The following MYLIP variants were observed in gnomAD, a reference collection of about 807,000 sequenced individuals.
MYLIP encodes E3 ubiquitin-protein ligase MYLIP.
A neutral mutation model predicts 45.8 loss-of-function variants in MYLIP; 26 were observed. The ratio of observed to expected loss-of-function variants is 0.57; its 90% CI spans 0.42 to 0.79. The LOEUF is 0.79. Ranked by LOEUF, MYLIP falls within the 30% of genes least tolerant of loss-of-function variation. The pLI, the probability that MYLIP is intolerant of heterozygous loss-of-function variation, is 0.00. For synonymous variants in MYLIP, 213 were observed against 218.1 expected, an observed-to-expected ratio of 0.98 and a Z score of 0.21; for missense variants, 494 against 555.6, an observed-to-expected ratio of 0.89 and a Z score of 1.11.
At chr6:16,136,386 T>C (rs570557747) in intron 2 of MYLIP, among the ~76,000 whole-genome samples, 1 of 152,310 alleles carries the variant, frequency 6.6e-6, no homozygotes, top group African/African-American at 2.4e-5. Flanking sequence ...TTTTTTGAGA[T>C]CCATCCATAT....
intron 6 of MYLIP, among the ~76,000 whole-genome samples, chr6:16,145,900 TGAA>T (rs758574394): frequency 6.6e-6 from 1 of 152,252 alleles, no homozygotes. Context: ...CTTTCTTGCA[TGAA>T]GAAGAATTTT....
At chr6:16,145,584 T>C (rs909222377) in intron 6 of MYLIP, among the ~76,000 whole-genome samples, 1 of 152,220 alleles carries the variant, frequency 6.6e-6, no homozygotes, top group African/African-American at 2.4e-5. Flanking sequence ...GTAACATATC[T>C]AGTTAGCGGC....
At chr6:16,155,560 C>A in the MYLIP span, among the ~76,000 whole-genome samples, 1 of 152,344 alleles carries the variant, frequency 6.6e-6, no homozygotes, top group Non-Finnish European at 1.5e-5. Flanking sequence ...GACAGTGAAG[C>A]GGGAAATTTC....
chr6:16,136,110 T>C (rs1203406895), intron 2 of MYLIP, among the ~76,000 whole-genome samples: 5 of 152,136 alleles, frequency 3.3e-5, no homozygotes, highest in Admixed American at 2.0e-4. Context: ...AAATCCTAAT[T>C]ATACCATTTA....
the MYLIP span, among the ~76,000 whole-genome samples, chr6:16,162,783 T>C: frequency 3.0e-4 from 16 of 52,688 alleles, no homozygotes; most frequent in East Asian, 0.043. Context: ...TGACCTCAAC[T>C]CTAAAAAAAA....
In MYLIP at chr6:16,147,254, CT is replaced by C. The variant is rs1011435750; in HGVS notation, c.*504del. ...AATTGTTGTCGTTTTAATGTCATTT[CT>C]GTCTTTATAACTTGATCAAGAATGA... On this transcript the variant is annotated 3_prime_UTR_variant, in exon 7 of 7. Transcript: ENST00000356840. The C allele has an allele frequency of 1.3e-5, 2 of 154,198 alleles. No individual in the cohort carries two copies. Among genetic ancestry groups the C allele is most frequent in the African/African-American group, 4.8e-5 (2 of 41,426 alleles). The allele number at this position is 154,198 out of a possible 1,614,324, so 9.6% of individuals were successfully genotyped here. A position where few individuals can be genotyped will look rare whatever the true frequency, so the allele number is the denominator to read the frequency against.
At chr6:16,139,147 A>G (rs1397750350) in intron 2 of MYLIP, among the ~76,000 whole-genome samples, 2 of 152,232 alleles carry the variant, frequency 1.3e-5, no homozygotes, top group East Asian at 3.8e-4. Context: ...TTTTGCCTGT[A>G]ATCCCAGCAC....
the MYLIP span, among the ~76,000 whole-genome samples, chr6:16,162,717 G>A: frequency 2.7e-4 from 39 of 144,036 alleles, no homozygotes; most frequent in African/African-American, 9.4e-4. Flanking sequence ...TTGGAGGGCC[G>A]AGGTGGGAGG....
the MYLIP span, chr6:16,161,297 C>T: frequency 2.7e-6 from 1 of 364,906 alleles, no homozygotes; most frequent in Non-Finnish European, 5.5e-6. Context: ...GCTGTCACAT[C>T]TATTACTGGA....
At chr6:16,154,154 T>C in the MYLIP span, among the ~76,000 whole-genome samples, 2 of 152,160 alleles carry the variant, frequency 1.3e-5, no homozygotes, top group African/African-American at 2.4e-5. Flanking sequence ...AATTAATTTT[T>C]CTTTTTTTTA....
the MYLIP span, among the ~76,000 whole-genome samples, chr6:16,157,470 A>C: frequency 2.6e-5 from 4 of 152,212 alleles, no homozygotes; most frequent in East Asian, 7.7e-4. Flanking sequence ...AGAAAGTATA[A>C]AAATTTTGTA....
At chr6:16,148,774 A>T (rs1759844608), downstream of MYLIP, among the ~76,000 whole-genome samples, 1 of 152,118 alleles carries the variant, frequency 6.6e-6, no homozygotes, top group Non-Finnish European at 1.5e-5. Flanking sequence ...TTCCTGCAGG[A>T]CTGCTGGTCT....
the MYLIP span, among the ~76,000 whole-genome samples, chr6:16,163,082 C>G: frequency 6.6e-6 from 1 of 152,220 alleles, no homozygotes; most frequent in East Asian, 1.9e-4. Flanking sequence ...TCTAGGTCAT[C>G]CTGACAACAT....
At chr6:16,130,769 C>T (rs775850956) in intron 2 of MYLIP, 22 bp downstream of exon 2, 8 of 1,602,462 alleles carry the variant, frequency 5.0e-6, no homozygotes, top group Non-Finnish European at 6.0e-6. Flanking sequence ...TAAAATAAAC[C>T]AATGTCAAAT....
At chr6:16,157,625 C>G in the MYLIP span, among the ~76,000 whole-genome samples, 1 of 152,236 alleles carries the variant, frequency 6.6e-6, no homozygotes, top group African/African-American at 2.4e-5. Flanking sequence ...TGGCAAAGTG[C>G]TTTGCACATG....
At chr6:16,148,770 C>T (rs1220086829), downstream of MYLIP, among the ~76,000 whole-genome samples, 1 of 152,164 alleles carries the variant, frequency 6.6e-6, no homozygotes, top group Non-Finnish European at 1.5e-5. Flanking sequence ...TGTATTCCTG[C>T]AGGACTGCTG....
intron 2 of MYLIP, among the ~76,000 whole-genome samples, chr6:16,134,831 GTTA>G (rs1482680997): frequency 1.3e-5 from 2 of 152,140 alleles, no homozygotes; most frequent in Non-Finnish European, 2.9e-5. Flanking sequence ...GGATGTTTGT[GTTA>G]TTATATGTGT....
intron 2 of MYLIP, among the ~76,000 whole-genome samples, chr6:16,135,767 ATATATATATATG>A (rs1404313539): frequency 6.8e-6 from 1 of 146,418 alleles, no homozygotes; most frequent in African/African-American, 2.5e-5. Flanking sequence ...ATATATATAT[ATATATATATATG>A]TATGCTATAT....
chr6:16,143,052 C>G lies in MYLIP; in HGVS notation c.497C>G (p.Thr166Ser). 1 of 1,614,116 alleles carries G rather than the reference C, an allele frequency of 6.2e-7. No individual in the cohort carries two copies. Among genetic ancestry groups the G allele is most frequent in the African/African-American group, 1.3e-5 (1 of 75,010 alleles). Reference protein sequence around the residue: ...IVAKHKELEGTSQASAEYQVL... With the variant: ...IVAKHKELEGSSQASAEYQVL... ...GCAAAACATAAGGAGTTGGAGGGGA[C>G]CAGCCAGGCTTCAGCTGAATACCAA... The change falls in exon 4 of 7, where the codon ACC becomes AGC. Residue 166 changes from threonine (T) to serine (S), a missense_variant. Physicochemically the swap from Thr to Ser is moderately conservative, Grantham distance 58. Coordinates refer to ENST00000356840, the MANE Select transcript of MYLIP (RefSeq NM_013262.4).
Sources: gnomAD v4.1 joint callset for allele counts (sites outside exome capture counted in the v4.1 genomes callset) on GRCh38, gnomAD v4.1.1 for gene constraint, MANE v1.5 for transcripts, NCBI Gene and HGNC (gene_info 2026-07-23, HGNC 2026-07-21) for gene names.